The following SPAG16 variants were observed in gnomAD, a reference collection of about 807,000 sequenced individuals.
SPAG16 encodes sperm-associated antigen 16 protein.
Under a neutral mutation model 80.4 loss-of-function variants are expected in SPAG16, and 86 were observed. That is an observed-to-expected ratio of 1.07 (90% CI 0.90 to 1.28). SPAG16 has a LOEUF of 1.28. Ranked by LOEUF, SPAG16 falls within the 50% of genes most tolerant of loss-of-function variation. The probability of loss-of-function intolerance (pLI) is 0.00; values close to 1 mark genes in which losing one functional copy is unlikely to be tolerated. For missense variants in SPAG16, 870 were observed against 765.3 expected, an observed-to-expected ratio of 1.14 and a Z score of -1.61; for synonymous variants, 294 against 265.9, an observed-to-expected ratio of 1.11 and a Z score of -1.03.
chr2:213,839,950 T>A (rs2074286508), intron 10 of SPAG16, among the ~76,000 whole-genome samples: 1 of 152,058 alleles, frequency 6.6e-6, no homozygotes, highest in Non-Finnish European at 1.5e-5. Context: ...ATTAAAAAGG[T>A]AGGAAAAGAA....
Position 214,170,226 on chromosome 2 carries a change from G to GGTGTGTGTACA in SPAG16, c.1720+20960_1720+20961insGTGTGTGTACA, listed in dbSNP as rs1576405802. 4.9e-5 allele frequency among the ~76,000 whole-genome samples: 6 copies of GGTGTGTGTACA among 123,304 alleles called. No homozygotes were observed. The South Asian group carries it at 1.0e-3, about 21-fold the overall frequency. 80.9% of individuals were successfully genotyped at this position (123,304 alleles called of 152,430 possible). ...TACACACACACTTAGGTGTGTATAC[G>GGTGTGTGTACA]TATACACACACACTTAGGTGTGTAT... is the stretch of plus-strand genomic sequence containing the variant. On this transcript the variant is annotated intron_variant, in intron 15 of 15. Transcript: ENST00000331683.
At chr2:213,629,682 A>G (rs181915542) in intron 10 of SPAG16, among the ~76,000 whole-genome samples, 53 of 152,352 alleles carry the variant, frequency 3.5e-4, no homozygotes, top group African/African-American at 1.2e-3. Flanking sequence ...TGCTCTGCTC[A>G]ATGCTTCAGG....
chr2:213,713,677 C>T (rs973168388), intron 10 of SPAG16, among the ~76,000 whole-genome samples: 1 of 152,258 alleles, frequency 6.6e-6, no homozygotes, highest in Non-Finnish European at 1.5e-5. Flanking sequence ...AGTAAAAATT[C>T]AAGGCAGGGA....
chr2:213,377,649 C>T (rs1333098001), intron 9 of SPAG16, among the ~76,000 whole-genome samples: 6 of 151,040 alleles, frequency 4.0e-5, no homozygotes, highest in Non-Finnish European at 1.5e-5. Flanking sequence ...CTTACTTTTT[C>T]CCTCTTACTT....
chr2:213,948,487 A>G (rs1479336791), intron 12 of SPAG16, among the ~76,000 whole-genome samples: 1 of 151,782 alleles, frequency 6.6e-6, no homozygotes, highest in Non-Finnish European at 1.5e-5. Context: ...TTTTGTTTTT[A>G]TCTTTGCCTT....
chr2:214,194,300 T>C (rs1337400462), intron 15 of SPAG16, among the ~76,000 whole-genome samples: 3 of 152,056 alleles, frequency 2.0e-5, no homozygotes, highest in African/African-American at 7.2e-5. Flanking sequence ...ATCATAATAG[T>C]CATGAAGTAT....
At chr2:213,352,203 TATA>T (rs2065372048) in intron 7 of SPAG16, among the ~76,000 whole-genome samples, 1 of 152,036 alleles carries the variant, frequency 6.6e-6, no homozygotes, top group South Asian at 2.1e-4. Flanking sequence ...CTCTATTCTT[TATA>T]AAATACCCAG....
intron 9 of SPAG16, among the ~76,000 whole-genome samples, chr2:213,414,310 A>T (rs1406472694): frequency 6.6e-6 from 1 of 152,160 alleles, no homozygotes; most frequent in African/African-American, 2.4e-5. Flanking sequence ...GTTTCTTAAA[A>T]ATTCAGTTTA....
At chr2:213,657,333 G>A (rs1184320052) in intron 10 of SPAG16, among the ~76,000 whole-genome samples, 3 of 152,028 alleles carry the variant, frequency 2.0e-5, no homozygotes, top group African/African-American at 7.2e-5. Flanking sequence ...GTAAAATGGG[G>A]ATATAATAAT....
intron 12 of SPAG16, among the ~76,000 whole-genome samples, chr2:213,986,195 T>C (rs1157479466): frequency 2.0e-5 from 3 of 152,038 alleles, no homozygotes; most frequent in African/African-American, 7.2e-5. Flanking sequence ...ACAGTGAAAG[T>C]TGGGCACAAT....
At chr2:213,977,468 A>G (rs557545779) in intron 12 of SPAG16, among the ~76,000 whole-genome samples, 3 of 152,036 alleles carry the variant, frequency 2.0e-5, no homozygotes, top group Admixed American at 1.3e-4. Flanking sequence ...GGCAGACAAC[A>G]GAGGATAATA....
intron 9 of SPAG16, among the ~76,000 whole-genome samples, chr2:213,386,362 T>A (rs1039215597): frequency 1.3e-5 from 2 of 152,188 alleles, no homozygotes; most frequent in Non-Finnish European, 2.9e-5. Flanking sequence ...GCAGAGATTT[T>A]GAGAGGTCTC....
intron 11 of SPAG16, among the ~76,000 whole-genome samples, chr2:213,902,375 T>C (rs1160192461): frequency 2.0e-5 from 3 of 152,174 alleles, no homozygotes; most frequent in Non-Finnish European, 4.4e-5. Context: ...GGACTTACAG[T>C]TCCACATGGC....
intron 10 of SPAG16, among the ~76,000 whole-genome samples, chr2:213,524,521 G>T (rs2075808498): frequency 2.0e-5 from 3 of 152,224 alleles, no homozygotes; most frequent in Admixed American, 2.0e-4. Flanking sequence ...TGTGAAGGCA[G>T]CTGGGAAGGA....
rs138186653 is a variant in SPAG16 at position 214,279,896 on chromosome 2, C to T, written c.1721-130244C>T. On this transcript the variant is annotated intron_variant, in intron 15 of 15. Transcript: ENST00000331683. The stretch of plus-strand genomic sequence containing the variant: ...TTGAAAATCAAAAAAACCCATGGAT[C>T]AAAGAAGAAATAAAAAAGTATTTTG... Among the ~76,000 whole-genome samples, 3 of 151,928 alleles carry T rather than the reference C, an allele frequency of 2.0e-5. No individual in the cohort carries two copies. The East Asian group carries it at 5.8e-4, about 29-fold the overall frequency.
At chr2:214,097,544 G>C (rs2052674841) in intron 13 of SPAG16, among the ~76,000 whole-genome samples, 1 of 151,928 alleles carries the variant, frequency 6.6e-6, no homozygotes, top group Non-Finnish European at 1.5e-5. Context: ...TTCTCTCCAT[G>C]AGTGTCCTTT....
At chr2:213,318,746 A>G (rs766618917) in intron 5 of SPAG16, among the ~76,000 whole-genome samples, 61 of 152,020 alleles carry the variant, frequency 4.0e-4, no homozygotes, top group Non-Finnish European at 7.5e-4. Flanking sequence ...CAATGCATTT[A>G]TATTAATGCA....
At chr2:213,497,768 A>G (rs566390600) in intron 10 of SPAG16, among the ~76,000 whole-genome samples, 1 of 152,272 alleles carries the variant, frequency 6.6e-6, no homozygotes, top group African/African-American at 2.4e-5. Flanking sequence ...TTTCTGCCTT[A>G]GGATATAGTT....
intron 11 of SPAG16, among the ~76,000 whole-genome samples, chr2:213,921,194 G>A (rs1411688568): frequency 6.6e-6 from 1 of 152,186 alleles, no homozygotes; most frequent in Admixed American, 6.5e-5. Flanking sequence ...GTTCCACCTG[G>A]TTGTGTCAAG....
Sources: gnomAD v4.1 joint callset for allele counts (sites outside exome capture counted in the v4.1 genomes callset) on GRCh38, gnomAD v4.1.1 for gene constraint, MANE v1.5 for transcripts, NCBI Gene and HGNC (gene_info 2026-07-23, HGNC 2026-07-21) for gene names.